Variants in PLEKHA7 observed in about 807,000 individuals in gnomAD.
PLEKHA7 encodes the protein pleckstrin homology domain containing A7.
A neutral mutation model predicts 170.0 loss-of-function variants in PLEKHA7; 104 were observed. The ratio of observed to expected loss-of-function variants is 0.61; its 90% confidence interval spans 0.52 to 0.72. The LOEUF is 0.72. Among genes scored for constraint, PLEKHA7 ranks in the 30% least tolerant of loss-of-function variants. PLEKHA7 has a pLI of 0.00. For synonymous variants in PLEKHA7, 648 were observed against 660.8 expected, an observed-to-expected ratio of 0.98 and a Z score of 0.30; for missense variants, 1,615 against 1,671.7, an observed-to-expected ratio of 0.97 and a Z score of 0.59.
At chr11:16,867,077 G>T (rs1854453877) in intron 4 of PLEKHA7, among the ~76,000 whole-genome samples, 2 of 152,122 alleles carry the variant, frequency 1.3e-5, no homozygotes, top group Admixed American at 1.3e-4. Context: ...AGAATGGATG[G>T]ACACTTGGGG....
At chr11:16,960,113 C>G (rs974529418) in intron 3 of PLEKHA7, among the ~76,000 whole-genome samples, 15 of 152,318 alleles carry the variant, frequency 9.8e-5, no homozygotes, top group African/African-American at 3.6e-4. Context: ...TCACGCCCTG[C>G]TCTGCTCCGG....
At chr11:16,990,001 T>C (rs1234131233) in intron 3 of PLEKHA7, among the ~76,000 whole-genome samples, 1 of 151,894 alleles carries the variant, frequency 6.6e-6, no homozygotes. Flanking sequence ...TTACTCTCCA[T>C]TGCTCCTGGA....
chr11:16,824,661 C>T (rs1460307458), intron 10 of PLEKHA7, among the ~76,000 whole-genome samples: 1 of 152,232 alleles, frequency 6.6e-6, no homozygotes, highest in Non-Finnish European at 1.5e-5. Flanking sequence ...TGTCACCCTC[C>T]TGGACTACTG....
chr11:16,963,859 G>C (rs1341145171), intron 3 of PLEKHA7, among the ~76,000 whole-genome samples: 3 of 152,272 alleles, frequency 2.0e-5, no homozygotes, highest in Admixed American at 6.5e-5. Context: ...TTATGTTTAA[G>C]GTCTTATTCT....
chr11:16,801,740 C>T lies in PLEKHA7; in HGVS notation c.2235G>A (p.Lys745=). Residue 745 remains lysine, a synonymous_variant, in exon 16 of 27, where the codon AAG becomes AAA. Coordinates refer to ENST00000531066, the MANE Select transcript of PLEKHA7 (RefSeq NM_001329630.2). ...GCAGCAACTTCTGCTGGTAGGCAAT[C>T]TTCTCCAAGTGCTGGGGCTGGTCTC... ...QYRDQPQHLE[K]IAYQQKLLQE... 6.2e-7 allele frequency: 1 copy of T among 1,614,196 alleles called. No individual in the cohort carries two copies. The highest frequency in any genetic ancestry group is 8.5e-7 in the Non-Finnish European group (1 of 1,180,026).
At chr11:16,787,058 C>T in intron 23 of PLEKHA7, 1 of 985,408 alleles carries the variant, frequency 1.0e-6, no homozygotes, top group Non-Finnish European at 1.2e-6. Flanking sequence ...GTTTCTAAGG[C>T]TGTTTCACAG....
intron 3 of PLEKHA7, among the ~76,000 whole-genome samples, chr11:16,969,868 G>C (rs1862601935): frequency 6.6e-6 from 1 of 152,206 alleles, no homozygotes; most frequent in Non-Finnish European, 1.5e-5. Flanking sequence ...CTTGAAGCTA[G>C]TTTGAGTTGG....
intron 10 of PLEKHA7, among the ~76,000 whole-genome samples, chr11:16,824,181 T>C (rs139694511): frequency 0.012 from 1,796 of 152,266 alleles, 19 homozygotes; most frequent in Middle Eastern, 0.024. Context: ...CAATAAGAGC[T>C]AGTATTTGAT....
chr11:16,948,488 T>C (rs1332978991), intron 3 of PLEKHA7, among the ~76,000 whole-genome samples: 5 of 151,934 alleles, frequency 3.3e-5, no homozygotes, highest in African/African-American at 1.2e-4. Context: ...CACCCTCCAT[T>C]TCCCTCACAT....
At chr11:16,804,330 T>C (rs1848802487) in intron 13 of PLEKHA7, among the ~76,000 whole-genome samples, 1 of 152,200 alleles carries the variant, frequency 6.6e-6, no homozygotes, top group Admixed American at 6.5e-5. Context: ...GAGGTCCCAA[T>C]GTGGACCGAT....
rs777072165 is a variant in PLEKHA7 at position 16,789,274 on chromosome 11, C to T, written c.3179G>A (p.Arg1060His). Residue 1060 changes from arginine (R) to histidine (H), a missense_variant, in exon 23 of 27, where the codon CGC becomes CAC. Transcript: ENST00000531066. This position sits in a 1 kb window ranked among gnomAD's most constrained non-coding sequence, Gnocchi z 4.6. ...TFPRPKSALE[R>H]LYSGDHQRGK... is the part of the protein sequence containing the mutation. ...TCGCTGGTGATCCCCTGAGTACAGG[C>T]GCTCCAAGGCACTCTTAGGTCTCTG... 1.1e-5 allele frequency: 18 copies of T among 1,613,384 alleles called. No individual in the cohort carries two copies. The highest frequency in any genetic ancestry group is 8.0e-5 in the African/African-American group (6 of 74,908).
chr11:16,828,436 A>G (rs1429731193), intron 9 of PLEKHA7, among the ~76,000 whole-genome samples: 2 of 152,208 alleles, frequency 1.3e-5, no homozygotes, highest in Non-Finnish European at 2.9e-5. Flanking sequence ...CTGTGAGTCA[A>G]TTAAACCTCT....
chr11:17,010,691 T>G (rs935395818), intron 3 of PLEKHA7, among the ~76,000 whole-genome samples: 1 of 152,226 alleles, frequency 6.6e-6, no homozygotes, highest in Non-Finnish European at 1.5e-5. Context: ...CACACAACTT[T>G]CCTGTGCAAG....
intron 3 of PLEKHA7, among the ~76,000 whole-genome samples, chr11:16,996,693 T>C (rs926532443): frequency 2.2e-4 from 34 of 152,120 alleles, no homozygotes; most frequent in South Asian, 1.9e-3. Flanking sequence ...TCCCAGCACT[T>C]TGGGAGGCCG....
At chr11:16,822,863 G>A (rs1038243846) in intron 10 of PLEKHA7, among the ~76,000 whole-genome samples, 43 of 152,306 alleles carry the variant, frequency 2.8e-4, no homozygotes, top group African/African-American at 7.5e-4. Flanking sequence ...AGATTTCTGC[G>A]CAGGGGACCA....
At chr11:16,879,730 A>C (rs888619078) in intron 3 of PLEKHA7, among the ~76,000 whole-genome samples, 3 of 152,176 alleles carry the variant, frequency 2.0e-5, no homozygotes, top group Non-Finnish European at 4.4e-5. Flanking sequence ...AGCCCTCACA[A>C]CTTGCAAAGA....
At chr11:16,972,954 T>C (rs1156614950) in intron 3 of PLEKHA7, among the ~76,000 whole-genome samples, 7 of 152,180 alleles carry the variant, frequency 4.6e-5, no homozygotes, top group African/African-American at 9.7e-5. Context: ...TTGGCCTAGA[T>C]GGTTTTATAG....
At chr11:16,856,880 G>C (rs1853502238) in intron 4 of PLEKHA7, among the ~76,000 whole-genome samples, 1 of 152,188 alleles carries the variant, frequency 6.6e-6, no homozygotes, top group Non-Finnish European at 1.5e-5. Context: ...ATAGGCAACA[G>C]AATCCAGGTC....
chr11:16,799,997 G>A (rs993941274), intron 17 of PLEKHA7, among the ~76,000 whole-genome samples: 3 of 152,182 alleles, frequency 2.0e-5, no homozygotes, highest in Non-Finnish European at 2.9e-5. Flanking sequence ...TCTGGGGTGA[G>A]GCTAATGTCT....
Sources: allele counts gnomAD v4.1 joint callset (sites outside exome capture counted in the v4.1 genomes callset), GRCh38; gene constraint gnomAD v4.1.1; non-coding constraint Gnocchi (gnomAD v3.1); transcripts MANE v1.5; gene names NCBI Gene and HGNC (gene_info 2026-07-23, HGNC 2026-07-21).